The following PPFIA4 variants were observed in gnomAD, a reference collection of about 807,000 sequenced individuals.
PPFIA4 encodes PPFI scaffold protein A4.
A neutral mutation model predicts 145.7 loss-of-function variants in PPFIA4; 98 were observed. That is an observed-to-expected ratio of 0.67 (90% confidence interval 0.57 to 0.80). The LOEUF is 0.80. Among genes scored for constraint, PPFIA4 ranks in the 30% least tolerant of loss-of-function variants. The probability of loss-of-function intolerance (pLI) is 0.00; values close to 1 mark genes in which losing one functional copy is unlikely to be tolerated. For synonymous variants in PPFIA4, 628 were observed against 649.6 expected, an observed-to-expected ratio of 0.97 and a Z score of 0.51; for missense variants, 1,457 against 1,632.7, an observed-to-expected ratio of 0.89 and a Z score of 1.85.
chr1:203,053,402 G>A (rs1331354444), intron 14 of PPFIA4, among the ~76,000 whole-genome samples: 10 of 152,076 alleles, frequency 6.6e-5, no homozygotes, highest in Admixed American at 6.5e-5. Context: ...GCGTGGTGGC[G>A]TGCGCTTGTA....
intron 19 of PPFIA4, among the ~76,000 whole-genome samples, chr1:203,057,434 G>C (rs1661048041): frequency 6.6e-6 from 1 of 152,194 alleles, no homozygotes; most frequent in Non-Finnish European, 1.5e-5. Flanking sequence ...AAGAGCTTAG[G>C]CAAGCGTGGC....
At chr1:203,029,723 C>T (rs1658681389) in intron 1 of PPFIA4, among the ~76,000 whole-genome samples, 1 of 152,252 alleles carries the variant, frequency 6.6e-6, no homozygotes, top group Admixed American at 6.5e-5. Flanking sequence ...ACTGGTGTTA[C>T]ATCCCTTTGG....
chr1:203,063,917 G>A lies in PPFIA4; in HGVS notation c.2964G>A (p.Met988Ile). The A allele has an allele frequency of 6.2e-7, 1 of 1,614,066 alleles. No individual in the cohort carries two copies. ...TCCCGCAGTACCGCAGCTACTTCATGGAGTGCCTGGTGGACGCCCGCATGC... is the reference window on the plus strand; with the variant it reads ...TCCCGCAGTACCGCAGCTACTTCATAGAGTGCCTGGTGGACGCCCGCATGC... ...LGLPQYRSYF[M>I]ECLVDARMLD... The change falls in exon 25 of 30, where the codon ATG (methionine) becomes ATA (isoleucine). Residue 988 changes from methionine to isoleucine, a missense_variant. By Grantham distance (10) the Met-to-Ile change is conservative. Around this residue, in one of 3 missense-constraint regions of PPFIA4, gnomAD observed 848 missense variants for 1,046.7 expected, o/e 0.81. Coordinates refer to ENST00000295706, the MANE Select transcript of PPFIA4 (RefSeq NM_001304331.2).
At chr1:203,051,243 G>A in intron 13 of PPFIA4, 4 of 985,318 alleles carry the variant, frequency 4.1e-6, no homozygotes, top group Non-Finnish European at 4.8e-6. Context: ...TAGGCATAGG[G>A]GTATGCCTGG....
chr1:203,057,079 T>G (rs1304186293), intron 19 of PPFIA4, 129 bp downstream of exon 19: 25 of 1,500,170 alleles, frequency 1.7e-5, no homozygotes, highest in Non-Finnish European at 2.2e-5. Flanking sequence ...GCAGGTTACC[T>G]CAGATCTGCA....
In PPFIA4 at chr1:203,060,090, C is replaced by T. The variant is rs1661255175; in HGVS notation, c.2584-127C>T. On this transcript the variant is annotated intron_variant, in intron 21 of 29. Coordinates refer to ENST00000295706, the MANE Select transcript of PPFIA4 (RefSeq NM_001304331.2). The surrounding 1 kb of genome is among the most constrained non-coding windows in gnomAD (Gnocchi z 4.8). ...AGAGTGAGGGGTTTGATGACCGCCA[C>T]ATTCCTATGATCTGTATTTGCTATT... 18 of 918,766 alleles carry T rather than the reference C, an allele frequency of 2.0e-5. No homozygotes were observed. Among genetic ancestry groups the T allele is most frequent in the Non-Finnish European group, 8.4e-6 (5 of 596,558 alleles). 56.9% of individuals were successfully genotyped at this position (918,766 alleles called of 1,614,324 possible).
chr1:203,028,670 AGT>A (rs1320390617), intron 1 of PPFIA4, among the ~76,000 whole-genome samples: 5 of 150,950 alleles, frequency 3.3e-5, no homozygotes, highest in Non-Finnish European at 7.4e-5. Context: ...CGCGTGTGTG[AGT>A]GTGTGTGCTT....
rs981368936 is a variant in PPFIA4 at position 203,060,789 on chromosome 1, G to A, written c.2785-181G>A. On this transcript the variant is annotated intron_variant, in intron 22 of 29. Coordinates refer to ENST00000295706, the MANE Select transcript of PPFIA4 (RefSeq NM_001304331.2). The surrounding 1 kb of genome is among the most constrained non-coding windows in gnomAD (Gnocchi z 4.8). ...TCTTGGTCCTCTAACACAAGAATGC[G>A]GACTGCTCTGTGGGCCCCTGGGGTG... 1.3e-5 allele frequency among the ~76,000 whole-genome samples: 2 copies of A among 152,184 alleles called. No homozygotes were observed. The highest frequency in any genetic ancestry group is 1.9e-4 in the East Asian group (1 of 5,196).
rs1659475619 is a variant in PPFIA4 at position 203,038,659 on chromosome 1, C to G, written c.-350C>G. On this transcript the variant is annotated 5_prime_UTR_variant, in exon 2 of 30. Transcript: ENST00000295706. ...GGTGTCGCTAGATCCAGCTGGGACTCTGCCAGCCTCCGGCACTCAGTCTAA... is the reference window on the plus strand; with the variant it reads ...GGTGTCGCTAGATCCAGCTGGGACTGTGCCAGCCTCCGGCACTCAGTCTAA... 5.5e-6 allele frequency: 1 copy of G among 180,904 alleles called. No individual in the cohort carries two copies. The highest frequency in any genetic ancestry group is 1.2e-5 in the Non-Finnish European group (1 of 86,422). The allele number at this position is 180,904 out of a possible 1,614,324, so 11.2% of individuals were successfully genotyped here. A position where few individuals can be genotyped will look rare whatever the true frequency, so the allele number is the denominator to read the frequency against.
At chr1:203,061,545 C>A in intron 23 of PPFIA4, 107 bp from the exon 24 acceptor site, 1 of 1,164,112 alleles carries the variant, frequency 8.6e-7, no homozygotes, top group Non-Finnish European at 1.2e-6. Context: ...GTCACCCAGC[C>A]AGATACTGGG....
chr1:203,074,764 GCCTGT>G (rs1289287829), intron 28 of PPFIA4, among the ~76,000 whole-genome samples: 2 of 152,090 alleles, frequency 1.3e-5, no homozygotes, highest in African/African-American at 4.8e-5. Context: ...GGGTGGGGAG[GCCTGT>G]GCAGAGGGGG....
chr1:203,026,831 G>T (rs894989553), intron 1 of PPFIA4, among the ~76,000 whole-genome samples: 1 of 152,228 alleles, frequency 6.6e-6, no homozygotes, highest in Non-Finnish European at 1.5e-5. Context: ...GCCCTTGGGG[G>T]TGAGGATAGG....
At chr1:203,056,034 C>A in intron 16 of PPFIA4, 86 bp from the exon 17 acceptor site, 1 of 1,374,422 alleles carries the variant, frequency 7.3e-7, no homozygotes, top group South Asian at 1.2e-5. Flanking sequence ...CCTATCTTCT[C>A]ATCCTAAGAC....
chr1:203,027,667 G>T (rs1658504851), intron 1 of PPFIA4, among the ~76,000 whole-genome samples: 1 of 152,140 alleles, frequency 6.6e-6, no homozygotes, highest in Non-Finnish European at 1.5e-5. Flanking sequence ...CTAGTACTTT[G>T]CTCAACATCC....
chr1:203,060,205 C>T lies in PPFIA4; in HGVS notation c.2584-12C>T, dbSNP rs765236378. On this transcript the variant is annotated splice_polypyrimidine_tract_variant and intron_variant, in intron 21 of 29. Transcript: ENST00000295706. The surrounding 1 kb of genome is among the most constrained non-coding windows in gnomAD (Gnocchi z 4.8). ...AGGCCTTGAATTACCTCCCTGTGCC[C>T]GGTGTCTGCAGCTCTGGGTGGGGAT... 4.7e-5 allele frequency: 76 copies of T among 1,612,826 alleles called. No individual in the cohort carries two copies. The highest frequency in any genetic ancestry group is 3.1e-4 in the South Asian group (28 of 90,968).
Position 203,044,042 on chromosome 1 carries a change from G to A in PPFIA4, c.448G>A (p.Val150Met). 1 of 1,612,034 alleles carries A rather than the reference G, an allele frequency of 6.2e-7. No individual in the cohort carries two copies. The change falls in exon 4 of 30, where the codon GTG (valine) becomes ATG (methionine). Residue 150 changes from valine (V) to methionine (M), a missense_variant. By Grantham distance (21) the Val-to-Met change is conservative (BLOSUM62 1). Coordinates refer to ENST00000295706, the MANE Select transcript of PPFIA4 (RefSeq NM_001304331.2). ...TTCGGGGGTCTCCAGTGAGGTGGAG[G>A]TGCTGAAGGCCCTCAAGTCACTGTT... ...SPSGVSSEVE[V>M]LKALKSLFEH...
In PPFIA4 at chr1:203,045,576, G is replaced by A; in HGVS notation, c.858+17G>A. On this transcript the variant is annotated intron_variant, in intron 7 of 29. Transcript: ENST00000295706. ...CTCCGGGAGGTGCGTGAGGGCGCAG[G>A]CCTGCTCTGTGACCTCATTGTGGAG... 6.4e-7 allele frequency: 1 copy of A among 1,555,556 alleles called. No homozygotes were observed.
Position 203,060,373 on chromosome 1 carries a change from A to G in PPFIA4, c.2740A>G (p.Met914Val), listed in dbSNP as rs1265152217. Reference protein sequence around the residue: ...RLKLRLAIQEMVSLTSPSAPP... With the variant: ...RLKLRLAIQEVVSLTSPSAPP... The stretch of plus-strand genomic sequence containing the variant: ...CAAGCTCCGCCTGGCCATTCAGGAG[A>G]TGGTGTCATTGACCAGCCCCTCTGC... The change falls in exon 22 of 30, where the codon ATG becomes GTG. Residue 914 changes from methionine to valine, a missense_variant. Physicochemically the swap from Met to Val is conservative, Grantham distance 21. This residue lies in a region of PPFIA4 where 848 missense variants were observed against 1,046.7 expected (regional missense o/e 0.81). Coordinates refer to ENST00000295706, the MANE Select transcript of PPFIA4 (RefSeq NM_001304331.2). The surrounding 1 kb of genome is among the most constrained non-coding windows in gnomAD (Gnocchi z 4.8). 2 of 1,613,746 alleles carry G rather than the reference A, an allele frequency of 1.2e-6. No homozygotes were observed. The highest frequency in any genetic ancestry group is 2.7e-5 in the African/African-American group (2 of 74,896).
chr1:203,056,929 C>A lies in PPFIA4; in HGVS notation c.2386C>A (p.Arg796=). Reference sequence around the variant, plus strand: ...GAAGGGCAGGCTGATCCAGCTGAGTCGGGATGGAGCCACAGGCCATGGTCT... The same window carrying A: ...GAAGGGCAGGCTGATCCAGCTGAGTAGGGATGGAGCCACAGGCCATGGTCT... ...KEKGRLIQLS[R]DGATGHVLLT... Residue 796 remains arginine, a synonymous_variant, in exon 19 of 30, where the codon CGG becomes AGG. Transcript: ENST00000295706. 6.2e-7 allele frequency: 1 copy of A among 1,614,036 alleles called. No individual in the cohort carries two copies. Among genetic ancestry groups the A allele is most frequent in the Non-Finnish European group, 8.5e-7 (1 of 1,179,910 alleles).
Sources: allele counts gnomAD v4.1 joint callset (sites outside exome capture counted in the v4.1 genomes callset), GRCh38; gene constraint gnomAD v4.1.1; regional missense constraint gnomAD v4.1.1; non-coding constraint Gnocchi (gnomAD v3.1); transcripts MANE v1.5; gene names NCBI Gene and HGNC (gene_info 2026-07-23, HGNC 2026-07-21).